The following MACROD2 variants were observed in gnomAD, a reference collection of about 807,000 sequenced individuals.
MACROD2 encodes ADP-ribose glycohydrolase MACROD2.
A neutral mutation model predicts 70.4 loss-of-function variants in MACROD2; 36 were observed. The ratio of observed to expected loss-of-function variants is 0.51; its 90% CI spans 0.39 to 0.68. The LOEUF is 0.68. Ranked by LOEUF, MACROD2 falls within the 30% of genes least tolerant of loss-of-function variation. MACROD2 has a pLI of 0.00. For missense variants in MACROD2, 496 were observed against 538.4 expected, an observed-to-expected ratio of 0.92 and a Z score of 0.78; for synonymous variants, 172 against 178.8, an observed-to-expected ratio of 0.96 and a Z score of 0.30.
intron 4 of MACROD2, among the ~76,000 whole-genome samples, chr20:14,555,852 G>A (rs986349306): frequency 2.0e-5 from 3 of 152,026 alleles, no homozygotes; most frequent in Non-Finnish European, 2.9e-5. Context: ...TATGTGGTGA[G>A]GTGGGGCTGT....
chr20:15,883,716 T>C (rs777743030), intron 9 of MACROD2, among the ~76,000 whole-genome samples: 11 of 152,090 alleles, frequency 7.2e-5, no homozygotes, highest in Non-Finnish European at 1.5e-4. Context: ...TGACTTCCCA[T>C]TATTTACAAA....
intron 10 of MACROD2, among the ~76,000 whole-genome samples, chr20:15,909,492 A>C (rs888146973): frequency 6.6e-6 from 1 of 151,138 alleles, no homozygotes; most frequent in Non-Finnish European, 1.5e-5. Context: ...CTTCAGTATC[A>C]TACACATAAG....
chr20:14,930,786 A>C (rs898089973), intron 5 of MACROD2, among the ~76,000 whole-genome samples: 1 of 150,310 alleles, frequency 6.7e-6, no homozygotes, highest in African/African-American at 2.4e-5. Context: ...AAAAAAAAAA[A>C]AAAAGTCTAT....
In MACROD2 at chr20:14,325,903, C is replaced by A. The variant is rs1484982451; in HGVS notation, c.272-167576C>A. ...GGCAATGGTAACCAGGGCCACAGCC[C>A]CACCAATGATGGCAGCCAAAGGTAA... On this transcript the variant is annotated intron_variant, in intron 3 of 17. Transcript: ENST00000684519. The A allele has an allele frequency of 2.6e-5, 42 of 1,613,820 alleles. No homozygotes were observed. In the Admixed American group the frequency reaches 7.0e-4, roughly 27 times the overall value.
chr20:15,693,709 T>A (rs529755421), intron 8 of MACROD2, among the ~76,000 whole-genome samples: 2 of 152,320 alleles, frequency 1.3e-5, no homozygotes, highest in South Asian at 2.1e-4. Flanking sequence ...ATTTCTTTTT[T>A]AAAAATTATT....
chr20:14,862,265 ATTACTATG>A, intron 5 of MACROD2, among the ~76,000 whole-genome samples: 1 of 43,450 alleles, frequency 2.3e-5, no homozygotes, highest in Non-Finnish European at 3.7e-5. Flanking sequence ...ATATAAATAT[ATTACTATG>A]TATATTTATA....
chr20:14,464,292 TTTC>T (rs1314424452), intron 3 of MACROD2, among the ~76,000 whole-genome samples: 2 of 152,140 alleles, frequency 1.3e-5, no homozygotes, highest in Admixed American at 1.3e-4. Context: ...AATTTATCCA[TTTC>T]TTCTAGATTT....
rs187000692 is a variant in MACROD2 at position 14,235,125 on chromosome 20, G to T, written c.271+149397G>T. 3.3e-5 allele frequency among the ~76,000 whole-genome samples: 5 copies of T among 152,026 alleles called. No individual in the cohort carries two copies. In the East Asian group the frequency reaches 9.7e-4, roughly 29 times the overall value. ...ATATTGCTCCAGGCAGATTAAAAAA[G>T]GTATCTAGTTATATAAGCCTACATA... On this transcript the variant is annotated intron_variant, in intron 3 of 17. Transcript: ENST00000684519.
intron 5 of MACROD2, among the ~76,000 whole-genome samples, chr20:15,162,856 G>A (rs968926200): frequency 6.6e-6 from 1 of 152,054 alleles, no homozygotes; most frequent in Non-Finnish European, 1.5e-5. Context: ...TAATATCAAA[G>A]AGGTTTATAA....
intron 5 of MACROD2, among the ~76,000 whole-genome samples, chr20:15,042,445 T>C (rs1267366169): frequency 6.6e-6 from 1 of 152,218 alleles, no homozygotes; most frequent in Non-Finnish European, 1.5e-5. Context: ...TATAGCATCC[T>C]ACAGCAGAAT....
intron 3 of MACROD2, among the ~76,000 whole-genome samples, chr20:14,419,025 T>C (rs1157429498): frequency 1.3e-5 from 2 of 152,170 alleles, no homozygotes; most frequent in South Asian, 2.1e-4. Flanking sequence ...ACTTTCTTAC[T>C]ACTCAAGACA....
chr20:14,312,327 G>A (rs2082574816), intron 3 of MACROD2, among the ~76,000 whole-genome samples: 1 of 152,184 alleles, frequency 6.6e-6, no homozygotes, highest in East Asian at 1.9e-4. Flanking sequence ...GTAATTGCAT[G>A]TTGGTGTATA....
intron 3 of MACROD2, among the ~76,000 whole-genome samples, chr20:14,385,527 A>G (rs1472243111): frequency 6.6e-6 from 1 of 152,206 alleles, no homozygotes; most frequent in Non-Finnish European, 1.5e-5. Flanking sequence ...TGTCAAAGAT[A>G]GCATTTTTAC....
intron 5 of MACROD2, among the ~76,000 whole-genome samples, chr20:14,989,549 A>G (rs923394964): frequency 2.6e-5 from 4 of 152,152 alleles, no homozygotes; most frequent in Non-Finnish European, 4.4e-5. Context: ...TGGGACTGCT[A>G]CCTTTATGGG....
At chr20:15,896,274 T>C (rs920737183) in intron 10 of MACROD2, among the ~76,000 whole-genome samples, 3 of 152,120 alleles carry the variant, frequency 2.0e-5, no homozygotes, top group African/African-American at 7.2e-5. Context: ...TTCTTTAGGG[T>C]TCCCTGGCCC....
At chr20:14,166,511 A>G (rs1440058885) in intron 3 of MACROD2, among the ~76,000 whole-genome samples, 1 of 152,200 alleles carries the variant, frequency 6.6e-6, no homozygotes, top group African/African-American at 2.4e-5. Context: ...AGTTAATTCA[A>G]TAATATTTCT....
intron 8 of MACROD2, among the ~76,000 whole-genome samples, chr20:15,839,261 A>G (rs1431962592): frequency 6.6e-6 from 1 of 152,116 alleles, no homozygotes; most frequent in Non-Finnish European, 1.5e-5. Context: ...AGATTGCCCA[A>G]GTTCGTCTCT....
At chr20:15,416,779 G>A (rs565780207) in intron 6 of MACROD2, among the ~76,000 whole-genome samples, 13 of 151,944 alleles carry the variant, frequency 8.6e-5, no homozygotes, top group Admixed American at 3.9e-4. Context: ...GGGGGGCGCC[G>A]GTAGTCCCAG....
At chr20:15,105,395 AG>A (rs2075903345) in intron 5 of MACROD2, among the ~76,000 whole-genome samples, 2 of 152,116 alleles carry the variant, frequency 1.3e-5, no homozygotes, top group African/African-American at 4.8e-5. Context: ...CTCTGTGAAA[AG>A]GGGAATAAAG....
Sources: gnomAD v4.1 joint callset for allele counts (sites outside exome capture counted in the v4.1 genomes callset) on GRCh38, gnomAD v4.1.1 for gene constraint, MANE v1.5 for transcripts, NCBI Gene and HGNC (gene_info 2026-07-23, HGNC 2026-07-21) for gene names.